NLRC4: variants seen among roughly 807,000 people sequenced by gnomAD.
NLRC4 encodes NLR family CARD domain containing 4, also known as NLR family CARD domain-containing protein 4.
A neutral mutation model predicts 79.9 loss-of-function variants in NLRC4; 63 were observed. That is an observed-to-expected ratio of 0.79 (90% CI 0.64 to 0.97). NLRC4 has a LOEUF of 0.97. Among genes scored for constraint, NLRC4 ranks in the 50% least tolerant of loss-of-function variants. NLRC4 has a pLI of 0.00. For missense variants in NLRC4, 1,074 were observed against 1,215.2 expected (o/e 0.88, Z 1.73); for synonymous variants, 461 against 456.5 (o/e 1.01, Z -0.12).
At chr2:32,256,976 G>A (rs1056693448) in intron 1 of NLRC4, 83 bp from the exon 2 acceptor site, 3 of 518,110 alleles carry the variant, frequency 5.8e-6, no homozygotes, top group Non-Finnish European at 1.0e-5. Context: ...GCTTTTCATA[G>A]ATGAGAAAAT....
At chr2:32,233,131 AGGG>A in intron 8 of NLRC4, among the ~76,000 whole-genome samples, 1 of 62,502 alleles carries the variant, frequency 1.6e-5, no homozygotes, top group Admixed American at 2.4e-4. Flanking sequence ...GGGGTGGGGG[AGGG>A]AGGAAGGAAG....
At chr2:32,252,788 G>A in intron 2 of NLRC4, 109 bp from the exon 3 acceptor site, 1 of 842,336 alleles carries the variant, frequency 1.2e-6, no homozygotes, top group Non-Finnish European at 1.9e-6. Context: ...GGAGGCCGAG[G>A]CGGGCAGATC....
chr2:32,252,934 C>A (rs185734864), intron 2 of NLRC4, among the ~76,000 whole-genome samples: 1 of 151,744 alleles, frequency 6.6e-6, no homozygotes, highest in African/African-American at 2.4e-5. Context: ...AGGAGAATGG[C>A]GTGAACCCAG....
chr2:32,256,849 T>C lies in NLRC4; in HGVS notation c.-74A>G, dbSNP rs1049540341. 28 of 769,544 alleles carry C rather than the reference T, an allele frequency of 3.6e-5. No individual in the cohort carries two copies. Among genetic ancestry groups the C allele is most frequent in the African/African-American group, 6.8e-5 (4 of 58,832 alleles). The allele number at this position is 769,544 out of a possible 1,614,324, so 47.7% of individuals were successfully genotyped here. ...TATTTCCAAATGGAAAGGTCAAAGG[T>C]GATCCCAATATTGTCCTCTTTTTTC... On this transcript the variant is annotated 5_prime_UTR_variant, in exon 2 of 9. Coordinates refer to ENST00000402280, the MANE Select transcript of NLRC4 (RefSeq NM_001199138.2).
At chr2:32,243,176 C>T (rs1028293178) in intron 4 of NLRC4, among the ~76,000 whole-genome samples, 3 of 151,664 alleles carry the variant, frequency 2.0e-5, no homozygotes, top group Admixed American at 1.3e-4. Context: ...TTTGGGAGGG[C>T]GAGGCAGGCA....
chr2:32,254,126 C>T (rs1358817406), intron 2 of NLRC4, among the ~76,000 whole-genome samples: 1 of 151,912 alleles, frequency 6.6e-6, no homozygotes. Context: ...AACTGGCTAA[C>T]AAAAATCCTG....
rs1339602129 is a variant in NLRC4 at position 32,249,665 on chromosome 2, T to C, written c.2199A>G (p.Thr733=). ...TCAAGGTTTTCAGGTTTGTTACAGA[T>C]GTGATGTGCCTCTCATCTTCTATGG... ...PLTIEDERHI[T]SVTNLKTLSI... is the part of the protein sequence containing the mutation. The change falls in exon 4 of 9, where the codon ACA becomes ACG. Residue 733 remains threonine (T), a synonymous_variant. Transcript: ENST00000402280. 4 of 1,613,794 alleles carry C rather than the reference T, an allele frequency of 2.5e-6. No individual in the cohort carries two copies. Among genetic ancestry groups the C allele is most frequent in the East Asian group, 2.2e-5 (1 of 44,884 alleles).
At chr2:32,262,071 C>T (rs1389277235) in intron 1 of NLRC4, among the ~76,000 whole-genome samples, 1 of 151,874 alleles carries the variant, frequency 6.6e-6, no homozygotes, top group Non-Finnish European at 1.5e-5. Flanking sequence ...CAGAGCGAGA[C>T]TCTGGGTCAA....
Position 32,251,292 on chromosome 2 carries a change from C to A in NLRC4, c.572G>T (p.Cys191Phe), listed in dbSNP as rs1184102407. The A allele has an allele frequency of 7.4e-6, 12 of 1,614,036 alleles. No homozygotes were observed. Among genetic ancestry groups the A allele is most frequent in the Non-Finnish European group, 1.0e-5 (12 of 1,180,036 alleles). ...RIAMLWGSGK[C>F]KALTKFKFVF... The stretch of plus-strand genomic sequence containing the variant: ...GAATTTGAACTTGGTCAGAGCCTTG[C>A]ACTTTCCGGAGCCCCAGAGCATGGC... Residue 191 changes from cysteine to phenylalanine, a missense_variant, in exon 4 of 9, where the codon TGC becomes TTC. Transcript: ENST00000402280.
intron 4 of NLRC4, among the ~76,000 whole-genome samples, chr2:32,242,732 A>C (rs1402626561): frequency 6.6e-6 from 1 of 152,188 alleles, no homozygotes; most frequent in Non-Finnish European, 1.5e-5. Context: ...CTTGATATGA[A>C]AACCAGAAAA....
In NLRC4 at chr2:32,235,363, C is replaced by G. The variant is rs199476297; in HGVS notation, c.2782+38G>C. 12 of 1,526,964 alleles carry G rather than the reference C, an allele frequency of 7.9e-6. No individual in the cohort carries two copies. The East Asian group carries it at 2.7e-4, about 35-fold the overall frequency. The allele number at this position is 1,526,964 out of a possible 1,614,324, so 94.6% of individuals were successfully genotyped here. A position where few individuals can be genotyped will look rare whatever the true frequency, so the allele number is the denominator to read the frequency against. The stretch of plus-strand genomic sequence containing the variant: ...GCCAACTTAAGAATTTTTTAAGGGC[C>G]AAATCCAGTTATCTTGGCTCTGTAT... On this transcript the variant is annotated intron_variant, in intron 8 of 8. Coordinates refer to ENST00000402280, the MANE Select transcript of NLRC4 (RefSeq NM_001199138.2).
chr2:32,246,043 G>A (rs1311792569), intron 4 of NLRC4, among the ~76,000 whole-genome samples: 2 of 152,118 alleles, frequency 1.3e-5, no homozygotes, highest in African/African-American at 4.8e-5. Flanking sequence ...AATTAGCCAG[G>A]TGTGGTGGTG....
chr2:32,228,822 T>C (rs955485180), intron 8 of NLRC4, among the ~76,000 whole-genome samples: 1 of 151,874 alleles, frequency 6.6e-6, no homozygotes, highest in Non-Finnish European at 1.5e-5. Context: ...AGGAGTGCAG[T>C]GGTGCAATCT....
At chr2:32,233,320 AATATATATATATAT>A (rs1257781417) in intron 8 of NLRC4, among the ~76,000 whole-genome samples, 1 of 67,256 alleles carries the variant, frequency 1.5e-5, no homozygotes, top group African/African-American at 6.8e-5. Flanking sequence ...AGAAATTTTA[AATATATATATATAT>A]ATATATATAT....
intron 3 of NLRC4, 135 bp from the exon 4 acceptor site, chr2:32,251,736 C>G (rs1007834082): frequency 3.2e-6 from 2 of 632,440 alleles, no homozygotes; most frequent in African/African-American, 3.7e-5. Flanking sequence ...CAGTTCTGAG[C>G]TGGCACAAAG....
chr2:32,238,301 A>C lies in NLRC4; in HGVS notation c.2352T>G (p.Ala784=). 1 of 1,608,842 alleles carries C rather than the reference A, an allele frequency of 6.2e-7. No homozygotes were observed. The highest frequency in any genetic ancestry group is 8.5e-7 in the Non-Finnish European group (1 of 1,178,042). Residue 784 remains alanine, a splice_region_variant and synonymous_variant, in exon 6 of 9, where the codon GCT becomes GCG. Transcript: ENST00000402280. ...KMNEEDAIKL[A]EGLKNLKKMC... is the part of the protein sequence containing the mutation. ...TCTTCTTCAGGTTTTTCAGGCCTTC[A>C]GCTGAAAAATGATAGAAAGGAATGC...
chr2:32,230,094 G>A (rs1191005244), intron 8 of NLRC4, among the ~76,000 whole-genome samples: 1 of 152,306 alleles, frequency 6.6e-6, no homozygotes, highest in Middle Eastern at 3.4e-3. Context: ...TCCCTGAACT[G>A]GAGTGAGGGT....
chr2:32,236,619 T>A (rs548684808), intron 6 of NLRC4, among the ~76,000 whole-genome samples: 2 of 152,218 alleles, frequency 1.3e-5, no homozygotes, highest in Non-Finnish European at 2.9e-5. Flanking sequence ...GTAGTTGTTA[T>A]GTCATCATGG....
At chr2:32,244,158 G>GC (rs1216701716) in intron 4 of NLRC4, among the ~76,000 whole-genome samples, 21 of 152,146 alleles carry the variant, frequency 1.4e-4, no homozygotes, top group Non-Finnish European at 2.8e-4. Context: ...GCTGAGGTGG[G>GC]TGGATCTGTT....
Sources: allele counts gnomAD v4.1 joint callset (sites outside exome capture counted in the v4.1 genomes callset), GRCh38; gene constraint gnomAD v4.1.1; transcripts MANE v1.5; gene names NCBI Gene and HGNC (gene_info 2026-07-23, HGNC 2026-07-21).